The following SUZ12 variants were observed in gnomAD, a reference collection of about 807,000 sequenced individuals.
The protein encoded by SUZ12 is polycomb protein SUZ12.
A neutral mutation model predicts 87.3 loss-of-function variants in SUZ12; 17 were observed. That is an observed-to-expected ratio of 0.19 (90% confidence interval 0.13 to 0.29). The LOEUF (loss-of-function observed/expected upper bound fraction) is 0.29, where lower values mean the gene tolerates loss of function less well. Ranked by LOEUF, SUZ12 falls within the 10% of genes least tolerant of loss-of-function variation. The pLI is 1.00. For missense variants in SUZ12, 526 were observed against 912.2 expected (o/e 0.58, Z 5.45); for synonymous variants, 253 against 312.4 (o/e 0.81, Z 2.01).
At chr17:31,966,410 T>C (rs1052009672) in intron 5 of SUZ12, 52 of 478,720 alleles carry the variant, frequency 1.1e-4, no homozygotes, top group Non-Finnish European at 1.8e-4. Flanking sequence ...TGCAATGTTA[T>C]GATCTTGGCT....
At position 31,943,665 on chromosome 17, in the gene SUZ12, A is replaced by G. The variant is rs148450291; in HGVS notation, c.386+3179A>G. ...TTTCCCCACCCTTGATTTATTCTATAAAACTAGTAGAATTCGACTAACTGT... is the reference window on the plus strand; with the variant it reads ...TTTCCCCACCCTTGATTTATTCTATGAAACTAGTAGAATTCGACTAACTGT... On this transcript the variant is annotated intron_variant, in intron 3 of 15. Transcript: ENST00000322652. Among the ~76,000 whole-genome samples the G allele has an allele frequency of 2.2e-3, 333 of 152,246 alleles. 1 individual carries two copies. The highest frequency in any genetic ancestry group is 7.3e-3 in the African/African-American group (303 of 41,550).
intron 4 of SUZ12, among the ~76,000 whole-genome samples, chr17:31,952,203 G>A (rs1907029214): frequency 6.6e-6 from 1 of 152,058 alleles, no homozygotes; most frequent in South Asian, 2.1e-4. Flanking sequence ...TAGGACTACA[G>A]GTGCATGCCA....
intron 3 of SUZ12, among the ~76,000 whole-genome samples, chr17:31,941,606 G>A (rs1362560932): frequency 6.8e-6 from 1 of 147,704 alleles, no homozygotes; most frequent in African/African-American, 2.5e-5. Flanking sequence ...CTGGAGTGCA[G>A]TGGCGCAACC....
chr17:31,968,802 C>T (rs1908244188), intron 5 of SUZ12, among the ~76,000 whole-genome samples: 1 of 152,096 alleles, frequency 6.6e-6, no homozygotes, highest in Non-Finnish European at 1.5e-5. Flanking sequence ...TTCATTAGCC[C>T]TTTGTTCTCA....
At chr17:31,944,052 A>G (rs1030408333) in intron 3 of SUZ12, among the ~76,000 whole-genome samples, 1 of 152,126 alleles carries the variant, frequency 6.6e-6, no homozygotes, top group Admixed American at 6.6e-5. Context: ...ATGCAACCTG[A>G]TCTTAATTTA....
intron 8 of SUZ12, among the ~76,000 whole-genome samples, chr17:31,978,191 ATTGTTTATTTTTTATTTATTTAT>A (rs1444757419): frequency 5.3e-5 from 8 of 151,814 alleles, no homozygotes; most frequent in Non-Finnish European, 1.0e-4. Flanking sequence ...CATTCCTCCT[ATTGTTTATTTTTTATTTATTTAT>A]TTGTTTATTT....
Position 31,957,895 on chromosome 17 carries a change from C to T in SUZ12, c.456-8252C>T, listed in dbSNP as rs1159979641. Among the ~76,000 whole-genome samples, 259 of 91,318 alleles carry T rather than the reference C, an allele frequency of 2.8e-3. 1 individual carries two copies. The highest frequency in any genetic ancestry group is 9.7e-3 in the African/African-American group (238 of 24,534). 59.9% of individuals were successfully genotyped at this position (91,318 alleles called of 152,430 possible). On this transcript the variant is annotated intron_variant, in intron 4 of 15. Transcript: ENST00000322652. The stretch of plus-strand genomic sequence containing the variant: ...ACCTGGCCCTGGCTCACCTTTTGTC[C>T]TTTTTTTTTTTTTTTTTTTTTTTTT...
intron 3 of SUZ12, among the ~76,000 whole-genome samples, chr17:31,944,947 A>G (rs535583674): frequency 1.3e-5 from 2 of 151,986 alleles, no homozygotes; most frequent in African/African-American, 4.8e-5. Flanking sequence ...TCATGACTAT[A>G]GTCCCAAATA....
chr17:31,985,895 T>TAAGG, intron 9 of SUZ12, among the ~76,000 whole-genome samples: 1 of 152,134 alleles, frequency 6.6e-6, no homozygotes, highest in Admixed American at 6.6e-5. Flanking sequence ...ACTCCTGACC[T>TAAGG]TGTGATCCAC....
intron 5 of SUZ12, among the ~76,000 whole-genome samples, chr17:31,970,706 C>T (rs1352102655): frequency 1.3e-5 from 2 of 151,752 alleles, no homozygotes; most frequent in Admixed American, 6.6e-5. Context: ...GAGGCTGAGG[C>T]AGGGAGAACT....
intron 4 of SUZ12, among the ~76,000 whole-genome samples, chr17:31,960,660 G>A (rs557180933): frequency 2.0e-5 from 3 of 151,410 alleles, no homozygotes; most frequent in African/African-American, 2.4e-5. Context: ...TCACTGCAAC[G>A]TCCGCCTCCC....
chr17:31,972,204 T>TA lies in SUZ12; in HGVS notation c.506-940dup, dbSNP rs1304783563. Among the ~76,000 whole-genome samples the TA allele has an allele frequency of 2.6e-5, 4 of 152,060 alleles. No individual in the cohort carries two copies. The East Asian group carries it at 7.7e-4, about 29-fold the overall frequency. ...GGAAGCTGAGGTGGGAGGATCACTT[T>TA]AACCCGGGAGGCAGAAGTTGCAGTG... On this transcript the variant is annotated intron_variant, in intron 5 of 15. Coordinates refer to ENST00000322652, the MANE Select transcript of SUZ12 (RefSeq NM_015355.4).
rs368237969 is a variant in SUZ12 at position 31,947,702 on chromosome 17, G to C, written c.455+17G>C. ...ATCTCATAGGTAAGATAATCTATCA[G>C]TTTACATTAAGTGATATACTTTAGG... On this transcript the variant is annotated intron_variant, in intron 4 of 15. Coordinates refer to ENST00000322652, the MANE Select transcript of SUZ12 (RefSeq NM_015355.4). The C allele has an allele frequency of 2.6e-5, 41 of 1,602,418 alleles. No homozygotes were observed. The highest frequency in any genetic ancestry group is 3.0e-5 in the Non-Finnish European group (35 of 1,173,678).
At chr17:31,989,183 A>G (rs904566913) in intron 10 of SUZ12, among the ~76,000 whole-genome samples, 11 of 152,124 alleles carry the variant, frequency 7.2e-5, no homozygotes, top group Non-Finnish European at 1.6e-4. Flanking sequence ...TCAGTCTCTC[A>G]AAGTGCTGGG....
rs764103905 is a variant in SUZ12, at chr17:31,998,828, G to A, written c.2045G>A (p.Arg682His). ...ATAGATAAAGCTGTTACCAAGCTCC[G>A]TGAAATGCAGCAAAAATTAGAAAAG... Reference protein sequence around the residue: ...MSIDKAVTKLREMQQKLEKGE... With the variant: ...MSIDKAVTKLHEMQQKLEKGE... Residue 682 changes from arginine (R) to histidine (H), a missense_variant, in exon 16 of 16, where the codon CGT (arginine) becomes CAT (histidine). Arg to His is a conservative substitution (Grantham distance 29). Around this residue, in one of 9 missense-constraint regions of SUZ12, gnomAD observed 143 missense variants for 321.6 expected, o/e 0.44. Transcript: ENST00000322652. 47 of 1,613,266 alleles carry A rather than the reference G, an allele frequency of 2.9e-5. No individual in the cohort carries two copies. The highest frequency in any genetic ancestry group is 3.8e-5 in the Non-Finnish European group (45 of 1,179,826).
chr17:31,965,199 A>G (rs1468514251), intron 4 of SUZ12, among the ~76,000 whole-genome samples: 2 of 152,084 alleles, frequency 1.3e-5, no homozygotes, highest in Non-Finnish European at 2.9e-5. Flanking sequence ...CCCAGCAACT[A>G]TTTCATTAGT....
chr17:31,960,374 C>A (rs1324213540), intron 4 of SUZ12, among the ~76,000 whole-genome samples: 3 of 151,880 alleles, frequency 2.0e-5, no homozygotes, highest in Admixed American at 2.0e-4. Flanking sequence ...CCACGGCCAG[C>A]TAATTTATGT....
chr17:31,973,005 T>G (rs1908528246), intron 5 of SUZ12, 141 bp from the exon 6 acceptor site: 2 of 616,922 alleles, frequency 3.2e-6, no homozygotes, highest in African/African-American at 1.9e-5. Flanking sequence ...TGGAACTGAT[T>G]TGAGGAAAAA....
In SUZ12 at chr17:31,937,349, A is replaced by G. The variant is rs1224696424; in HGVS notation, c.103A>G (p.Thr35Ala). 3.4e-6 allele frequency: 5 copies of G among 1,484,874 alleles called. No individual in the cohort carries two copies. Among genetic ancestry groups the G allele is most frequent in the East Asian group, 5.8e-5 (2 of 34,524 alleles). 92.0% of individuals were successfully genotyped at this position (1,484,874 alleles called of 1,614,324 possible). A position where few individuals can be genotyped will look rare whatever the true frequency, so the allele number is the denominator to read the frequency against. The change falls in exon 1 of 16, where the codon ACG becomes GCG. Residue 35 changes from threonine to alanine, a missense_variant. This residue lies in a region of SUZ12 where 92 missense variants were observed against 109.9 expected (regional missense o/e 0.84). Transcript: ENST00000322652. ...FGGSAAVAAA[T>A]ASGGKSGGGS... ...GGGTTCGGCGGCGGTGGCGGCGGCG[A>G]CGGCTTCGGGCGGCAAATCCGGCGG... is the stretch of plus-strand genomic sequence containing the variant.
Sources: allele counts gnomAD v4.1 joint callset (sites outside exome capture counted in the v4.1 genomes callset), GRCh38; gene constraint gnomAD v4.1.1; regional missense constraint gnomAD v4.1.1; transcripts MANE v1.5; gene names NCBI Gene and HGNC (gene_info 2026-07-23, HGNC 2026-07-21).